PRTG: variants seen among roughly 807,000 people sequenced by gnomAD.
The protein encoded by PRTG is protogenin.
PRTG carries 67 observed loss-of-function variants against 122.5 expected under a neutral mutation model. The observed-to-expected ratio is 0.55, with a 90% CI of 0.45 to 0.67. The LOEUF (loss-of-function observed/expected upper bound fraction) is 0.67, where lower values mean the gene tolerates loss of function less well. Among genes scored for constraint, PRTG ranks in the 30% least tolerant of loss-of-function variants. The probability of loss-of-function intolerance (pLI) is 0.00; values close to 1 mark genes in which losing one functional copy is unlikely to be tolerated. For missense variants in PRTG, 1,435 were observed against 1,415.4 expected (o/e 1.01, Z -0.22); for synonymous variants, 554 against 501.1 (o/e 1.11, Z -1.41).
At chr15:55,661,773 C>G (rs1027352848) in intron 11 of PRTG, among the ~76,000 whole-genome samples, 50 of 152,010 alleles carry the variant, frequency 3.3e-4, no homozygotes, top group Non-Finnish European at 2.5e-4. Flanking sequence ...CCATTGTCTG[C>G]TAGAAAGCTT....
chr15:55,676,964 G>A (rs1168245108), intron 8 of PRTG, among the ~76,000 whole-genome samples: 1 of 152,048 alleles, frequency 6.6e-6, no homozygotes, highest in African/African-American at 2.4e-5. Flanking sequence ...CTGTTTCTAT[G>A]GCTAATTTTA....
intron 15 of PRTG, among the ~76,000 whole-genome samples, chr15:55,635,446 G>A (rs2059252702): frequency 6.6e-6 from 1 of 152,176 alleles, no homozygotes; most frequent in Admixed American, 6.5e-5. Context: ...TATGGCTGCA[G>A]CCTCGTGAGA....
intron 2 of PRTG, among the ~76,000 whole-genome samples, chr15:55,733,528 A>T (rs1255345197): frequency 6.6e-6 from 1 of 151,468 alleles, no homozygotes; most frequent in African/African-American, 2.4e-5. Context: ...AAAAAAAAAA[A>T]AAAAAAAGTA....
Position 55,612,879 on chromosome 15 carries a change from T to G in PRTG, c.*7133A>C, listed in dbSNP as rs1024278423. 1 of 151,636 alleles carries G rather than the reference T, an allele frequency of 6.6e-6. No individual in the cohort carries two copies. Among genetic ancestry groups the G allele is most frequent in the African/African-American group, 2.4e-5 (1 of 41,160 alleles). The allele number at this position is 151,636 out of a possible 1,614,324, so 9.4% of individuals were successfully genotyped here. A position where few individuals can be genotyped will look rare whatever the true frequency, so the allele number is the denominator to read the frequency against. ...TTCAGCTATATCTTTTACCAACCACTTTCTTCTATTGGTTTTGTGTATGCG... is the reference window on the plus strand; with the variant it reads ...TTCAGCTATATCTTTTACCAACCACGTTCTTCTATTGGTTTTGTGTATGCG... On this transcript the variant is annotated 3_prime_UTR_variant, in exon 20 of 20. Coordinates refer to ENST00000389286, the MANE Select transcript of PRTG (RefSeq NM_173814.6).
intron 4 of PRTG, among the ~76,000 whole-genome samples, chr15:55,682,076 T>C (rs1312425540): frequency 2.0e-5 from 3 of 152,218 alleles, no homozygotes; most frequent in South Asian, 4.1e-4. Context: ...TGCCATTTTC[T>C]ATGAGAGACC....
At position 55,613,078 on chromosome 15, in the gene PRTG, T is replaced by C. The variant is rs2059127921; in HGVS notation, c.*6934A>G. 6.6e-6 allele frequency: 1 copy of C among 152,050 alleles called. No homozygotes were observed. The highest frequency in any genetic ancestry group is 2.4e-5 in the African/African-American group (1 of 41,430). The allele number at this position is 152,050 out of a possible 1,614,324, so 9.4% of individuals were successfully genotyped here. On this transcript the variant is annotated 3_prime_UTR_variant, in exon 20 of 20. Coordinates refer to ENST00000389286, the MANE Select transcript of PRTG (RefSeq NM_173814.6). Reference sequence around the variant, plus strand: ...TTTTCAAAGTACTATTGTTTCATTTTGCACAAAAAAATTATCCTCATTTCA... The same window carrying C: ...TTTTCAAAGTACTATTGTTTCATTTCGCACAAAAAAATTATCCTCATTTCA...
chr15:55,742,693 G>C (rs1399131713), intron 1 of PRTG, 145 bp downstream of exon 1: 1 of 970,846 alleles, frequency 1.0e-6, no homozygotes, highest in Non-Finnish European at 1.5e-6. Flanking sequence ...CAGGCCGCAG[G>C]GCGAGAGCGG....
At chr15:55,739,645 G>A (rs2031547743) in intron 2 of PRTG, among the ~76,000 whole-genome samples, 2 of 152,284 alleles carry the variant, frequency 1.3e-5, no homozygotes, top group Admixed American at 1.3e-4. Context: ...ACTTGTCCTA[G>A]GCCTATCTTT....
chr15:55,635,103 G>GTGTGTGTGTGTGTT (rs1171883359), intron 15 of PRTG, among the ~76,000 whole-genome samples: 44 of 112,766 alleles, frequency 3.9e-4, no homozygotes, highest in Non-Finnish European at 5.7e-4. Flanking sequence ...GTGTGTGTGT[G>GTGTGTGTGTGTGTT]TTTTTTGAGA....
At chr15:55,626,702 G>A (rs2059196951) in intron 17 of PRTG, among the ~76,000 whole-genome samples, 10 of 151,892 alleles carry the variant, frequency 6.6e-5, no homozygotes, top group Middle Eastern at 3.4e-3. Context: ...TGCTTGCAGT[G>A]AGCCGAGATT....
chr15:55,739,118 T>C (rs1365316859), intron 2 of PRTG, among the ~76,000 whole-genome samples: 3 of 152,114 alleles, frequency 2.0e-5, no homozygotes, highest in African/African-American at 7.2e-5. Flanking sequence ...TTAATCCTTA[T>C]TGCAGAATAA....
intron 11 of PRTG, among the ~76,000 whole-genome samples, chr15:55,656,585 G>A (rs1182740675): frequency 6.6e-6 from 1 of 152,160 alleles, no homozygotes; most frequent in African/African-American, 2.4e-5. Flanking sequence ...TCAGCTCACA[G>A]CAAGCTCTGC....
Position 55,673,525 on chromosome 15 carries a change from A to G in PRTG, c.1698T>C (p.Val566=), listed in dbSNP as rs1221657337. 1.9e-6 allele frequency: 3 copies of G among 1,614,110 alleles called. No individual in the cohort carries two copies. The highest frequency in any genetic ancestry group is 2.5e-6 in the Non-Finnish European group (3 of 1,180,026). ...FRLSTENSIQ[V]LELPGTTHEY... Reference sequence around the variant, plus strand: ...CATGCGTGGTCCCCGGGAGCTCCAGAACTTGGATTGAATTCTCAGTACTTA... The same window carrying G: ...CATGCGTGGTCCCCGGGAGCTCCAGGACTTGGATTGAATTCTCAGTACTTA... The change falls in exon 10 of 20, where the codon GTT becomes GTC. Residue 566 remains valine, a synonymous_variant. Transcript: ENST00000389286.
Position 55,707,985 on chromosome 15 carries a change from T to G in PRTG, c.398-24054A>C, listed in dbSNP as rs550925822. On this transcript the variant is annotated intron_variant, in intron 2 of 19. Coordinates refer to ENST00000389286, the MANE Select transcript of PRTG (RefSeq NM_173814.6). Reference sequence around the variant, plus strand: ...TGGGATCTGTTAATTTGAAAAATATTTGGAAATACACCAATGCTCAGAAGC... The same window carrying G: ...TGGGATCTGTTAATTTGAAAAATATGTGGAAATACACCAATGCTCAGAAGC... Among the ~76,000 whole-genome samples, 8 of 151,960 alleles carry G rather than the reference T, an allele frequency of 5.3e-5. No homozygotes were observed. In the South Asian group the frequency reaches 1.7e-3, roughly 32 times the overall value.
chr15:55,626,594 CAA>C (rs35303660), intron 17 of PRTG, among the ~76,000 whole-genome samples: 16 of 134,652 alleles, frequency 1.2e-4, no homozygotes, highest in Non-Finnish European at 8.1e-5. Flanking sequence ...ACTAAAAATA[CAA>C]AAAAAAAAAA....
At chr15:55,732,206 T>C (rs1300291424) in intron 2 of PRTG, among the ~76,000 whole-genome samples, 1 of 152,228 alleles carries the variant, frequency 6.6e-6, no homozygotes, top group Admixed American at 6.5e-5. Context: ...TTTTGTTTTT[T>C]GAGACAGAGT....
chr15:55,725,905 G>A (rs938063650), intron 2 of PRTG, among the ~76,000 whole-genome samples: 1 of 151,974 alleles, frequency 6.6e-6, no homozygotes, highest in African/African-American at 2.4e-5. Context: ...CGGAGTAGCT[G>A]AGATTACAGG....
chr15:55,633,447 T>C (rs638786), intron 15 of PRTG, among the ~76,000 whole-genome samples: 148,179 of 152,284 alleles, frequency 0.97, 72,222 homozygotes, highest in East Asian at 1. Context: ...TGTACTACCA[T>C]GTACCATTTT....
chr15:55,706,729 G>A (rs1248804464), intron 2 of PRTG, among the ~76,000 whole-genome samples: 2 of 152,108 alleles, frequency 1.3e-5, no homozygotes, highest in African/African-American at 4.8e-5. Context: ...ACATGCCACT[G>A]CACTCCAGCA....
Sources: allele counts gnomAD v4.1 joint callset (sites outside exome capture counted in the v4.1 genomes callset), GRCh38; gene constraint gnomAD v4.1.1; transcripts MANE v1.5; gene names NCBI Gene and HGNC (gene_info 2026-07-23, HGNC 2026-07-21).